MINK1: variants seen among roughly 807,000 people sequenced by gnomAD.
MINK1 encodes the protein misshapen like kinase 1.
Under a neutral mutation model 178.4 loss-of-function variants are expected in MINK1, and 46 were observed. That is an observed-to-expected ratio of 0.26 (90% CI 0.20 to 0.33). The LOEUF (loss-of-function observed/expected upper bound fraction) is 0.33, where lower values mean the gene tolerates loss of function less well. Among genes scored for constraint, MINK1 ranks in the 10% least tolerant of loss-of-function variants. The probability of loss-of-function intolerance (pLI) is 1.00; values close to 1 mark genes in which losing one functional copy is unlikely to be tolerated. For synonymous variants in MINK1, 797 were observed against 709.7 expected (o/e 1.12, Z -1.96); for missense variants, 1,366 against 1,814.9 (o/e 0.75, Z 4.49).
Position 4,894,919 on chromosome 17 carries a change from A to T in MINK1, c.2918-156A>T. ...CAGACCTTTTGACTCCAAGTCCAGCACTCTATCCCCCTCTCCCATGCACCT... is the reference window on the plus strand; with the variant it reads ...CAGACCTTTTGACTCCAAGTCCAGCTCTCTATCCCCCTCTCCCATGCACCT... On this transcript the variant is annotated intron_variant, in intron 24 of 31. Coordinates refer to ENST00000355280, the MANE Select transcript of MINK1 (RefSeq NM_153827.5). This position sits in a 1 kb window ranked among gnomAD's most constrained non-coding sequence, Gnocchi z 4.1. 1 of 821,428 alleles carries T rather than the reference A, an allele frequency of 1.2e-6. No individual in the cohort carries two copies. Among genetic ancestry groups the T allele is most frequent in the Non-Finnish European group, 1.9e-6 (1 of 531,658 alleles). 50.9% of individuals were successfully genotyped at this position (821,428 alleles called of 1,614,324 possible).
In MINK1 at chr17:4,895,804, C is replaced by T. The variant is rs369374882; in HGVS notation, c.3336C>T (p.Asp1112=). The T allele has an allele frequency of 7.1e-5, 114 of 1,613,648 alleles. No individual in the cohort carries two copies. In the Admixed American group the frequency reaches 8.5e-4, roughly 12 times the overall value. ...AGCAGGGCTGGACCACCGTGGGGGA[C>T]ATGGAGGGCTGCGGGCACTACCGTG... ...EKKQGWTTVG[D]MEGCGHYRVV... The change falls in exon 27 of 32, where the codon GAC becomes GAT. Residue 1112 remains aspartate, a synonymous_variant. Transcript: ENST00000355280. The surrounding 1 kb of genome is among the most constrained non-coding windows in gnomAD (Gnocchi z 4.3).
At chr17:4,875,432 G>A in intron 1 of MINK1, 1 of 451,944 alleles carries the variant, frequency 2.2e-6, no homozygotes, top group Admixed American at 2.4e-5. Context: ...CTGTGATCAT[G>A]CCACCGCACT....
chr17:4,861,120 T>A (rs947232461), intron 1 of MINK1, among the ~76,000 whole-genome samples: 4 of 152,140 alleles, frequency 2.6e-5, no homozygotes, highest in African/African-American at 9.7e-5. Flanking sequence ...GGTGACCTCG[T>A]ATATACTCAG....
chr17:4,875,481 A>AT (rs1405357550), intron 1 of MINK1: 1 of 453,844 alleles, frequency 2.2e-6, no homozygotes, highest in Admixed American at 2.4e-5. Context: ...CTCTAAAAAA[A>AT]CAAAAATGAG....
chr17:4,855,060 T>G (rs981422760), intron 1 of MINK1, among the ~76,000 whole-genome samples: 5 of 151,732 alleles, frequency 3.3e-5, no homozygotes, highest in African/African-American at 1.2e-4. Context: ...TACAAAAGAT[T>G]AGCCGGGCGT....
At position 4,895,112 on chromosome 17, in the gene MINK1, G is replaced by C; in HGVS notation, c.2955G>C (p.Leu985=). The change falls in exon 25 of 32, where the codon CTG becomes CTC. Residue 985 remains leucine (L), a synonymous_variant. Transcript: ENST00000355280. The surrounding 1 kb of genome is among the most constrained non-coding windows in gnomAD (Gnocchi z 4.3). ...GAGAGGGCACTCGGCTCGACCAGCT[G>C]CAGTACGACGTGAGGAAGGGTTCTG... is the stretch of plus-strand genomic sequence containing the variant. ...VGGEGTRLDQ[L]QYDVRKGSVV... The C allele has an allele frequency of 6.2e-7, 1 of 1,613,788 alleles. No homozygotes were observed. Among genetic ancestry groups the C allele is most frequent in the Non-Finnish European group, 8.5e-7 (1 of 1,180,018 alleles).
At chr17:4,849,837 C>T (rs1373478828) in intron 1 of MINK1, among the ~76,000 whole-genome samples, 3 of 152,022 alleles carry the variant, frequency 2.0e-5, no homozygotes, top group South Asian at 4.1e-4. Flanking sequence ...CCTCCCAAAG[C>T]GCTGGGATTA....
At chr17:4,869,489 A>T (rs908196049) in intron 1 of MINK1, among the ~76,000 whole-genome samples, 3 of 150,488 alleles carry the variant, frequency 2.0e-5, no homozygotes, top group South Asian at 2.1e-4. Context: ...GTTGCTCAGG[A>T]TGGTCTCTAA....
intron 4 of MINK1, among the ~76,000 whole-genome samples, chr17:4,882,453 G>A (rs879833387): frequency 2.6e-5 from 4 of 152,190 alleles, no homozygotes; most frequent in Non-Finnish European, 4.4e-5. Context: ...TCTCTGTGCT[G>A]GAGGAGTTTC....
intron 20 of MINK1, 91 bp downstream of exon 20, chr17:4,893,158 A>C: frequency 6.6e-7 from 1 of 1,510,710 alleles, no homozygotes; most frequent in South Asian, 1.2e-5. Context: ...GTCTCCGCTG[A>C]TCTACCGAGA....
In MINK1 at chr17:4,886,877, G is replaced by A. The variant is rs1968256344; in HGVS notation, c.950-233G>A. On this transcript the variant is annotated intron_variant, in intron 10 of 31. Transcript: ENST00000355280. This position sits in a 1 kb window ranked among gnomAD's most constrained non-coding sequence, Gnocchi z 6.1. ...CAAAAACTCCATGCTAAGCACATGT[G>A]TGTGCGAGCACAAGCACAGGCTCTG... is the stretch of plus-strand genomic sequence containing the variant. Among the ~76,000 whole-genome samples, 1 of 152,236 alleles carries A rather than the reference G, an allele frequency of 6.6e-6. No homozygotes were observed. The highest frequency in any genetic ancestry group is 1.5e-5 in the Non-Finnish European group (1 of 68,046).
rs1239060666 is a variant in MINK1 at position 4,893,565 on chromosome 17, A to C, written c.2532A>C (p.Pro844=). The change falls in exon 21 of 32, where the codon CCA becomes CCC. Residue 844 remains proline, a synonymous_variant. Coordinates refer to ENST00000355280, the MANE Select transcript of MINK1 (RefSeq NM_153827.5). ...EDDEEEGEGG[P]AEGSRDTPGG... is the part of the protein sequence containing the mutation. ...ACGAGGAGGAAGGCGAAGGCGGGCC[A>C]GCAGAGGGGAGCAGAGATACCCCTG... 2 of 1,567,706 alleles carry C rather than the reference A, an allele frequency of 1.3e-6. No homozygotes were observed. Among genetic ancestry groups the C allele is most frequent in the East Asian group, 2.3e-5 (1 of 44,142 alleles).
chr17:4,871,144 C>A, intron 1 of MINK1: 1 of 253,102 alleles, frequency 4.0e-6, no homozygotes, highest in South Asian at 3.0e-5. Flanking sequence ...CAACATCTAG[C>A]AGTAGTTTAT....
intron 1 of MINK1, among the ~76,000 whole-genome samples, chr17:4,866,327 CGTG>C (rs1914958660): frequency 6.6e-6 from 1 of 151,680 alleles, no homozygotes; most frequent in Non-Finnish European, 1.5e-5. Flanking sequence ...ATTAGCTGGG[CGTG>C]GTGGGGTGTG....
In MINK1 at chr17:4,836,619, CAG is replaced by C. The variant is rs1909344365; in HGVS notation, c.57+2982_57+2983del. On this transcript the variant is annotated intron_variant, in intron 1 of 31. Coordinates refer to ENST00000355280, the MANE Select transcript of MINK1 (RefSeq NM_153827.5). The surrounding 1 kb of genome is among the most constrained non-coding windows in gnomAD (Gnocchi z 4.3). ...GTGGGCATGGTAATAGTACTGAATG[CAG>C]AGTTGCTGAGGATTAAATGCACGTT... 6.6e-6 allele frequency among the ~76,000 whole-genome samples: 1 copy of C among 152,162 alleles called. No homozygotes were observed. Among genetic ancestry groups the C allele is most frequent in the Non-Finnish European group, 1.5e-5 (1 of 68,032 alleles).
In MINK1 at chr17:4,891,450, C is replaced by T. The variant is rs1968808939; in HGVS notation, c.1741-6C>T. The T allele has an allele frequency of 2.6e-6, 4 of 1,565,142 alleles. No individual in the cohort carries two copies. Among genetic ancestry groups the T allele is most frequent in the Non-Finnish European group, 3.5e-6 (4 of 1,150,486 alleles). On this transcript the variant is annotated splice_polypyrimidine_tract_variant and splice_region_variant and intron_variant, in intron 15 of 31. Coordinates refer to ENST00000355280, the MANE Select transcript of MINK1 (RefSeq NM_153827.5). The stretch of plus-strand genomic sequence containing the variant: ...GCAGCCCACCCTCCCTGGTCTCTCC[C>T]TGCAGAGCCTGGTGGCACACCGGGT...
intron 1 of MINK1, among the ~76,000 whole-genome samples, chr17:4,855,283 A>G (rs1912851790): frequency 2.1e-5 from 3 of 143,370 alleles, no homozygotes; most frequent in Admixed American, 7.0e-5. Context: ...TCAGGAGATC[A>G]AGACCATCCT....
chr17:4,858,091 C>G (rs961831648), intron 1 of MINK1, among the ~76,000 whole-genome samples: 1 of 152,124 alleles, frequency 6.6e-6, no homozygotes, highest in African/African-American at 2.4e-5. Context: ...TTTTAAAGCT[C>G]CATTTGCATA....
chr17:4,855,946 C>G (rs2150846306), intron 1 of MINK1, among the ~76,000 whole-genome samples: 1 of 151,462 alleles, frequency 6.6e-6, no homozygotes, highest in East Asian at 1.9e-4. Context: ...TGCACTCCAG[C>G]CTGGGTGACA....
Sources: allele counts gnomAD v4.1 joint callset (sites outside exome capture counted in the v4.1 genomes callset), GRCh38; gene constraint gnomAD v4.1.1; non-coding constraint Gnocchi (gnomAD v3.1); transcripts MANE v1.5; gene names NCBI Gene and HGNC (gene_info 2026-07-23, HGNC 2026-07-21).